Variants in ERMP1 observed in about 807,000 individuals in gnomAD.
ERMP1 encodes Felix-ina.
In ERMP1, 86 loss-of-function variants were observed where a neutral mutation model predicts 92.0. The ratio of observed to expected loss-of-function variants is 0.93; its 90% confidence interval spans 0.79 to 1.12. The LOEUF (loss-of-function observed/expected upper bound fraction) is 1.12. Among genes scored for constraint, ERMP1 ranks in the 50% most tolerant of loss-of-function variants. The pLI, the probability that ERMP1 is intolerant of heterozygous loss-of-function variation, is 0.00. For missense variants in ERMP1, 1,342 were observed against 1,116.3 expected, an observed-to-expected ratio of 1.20 and a Z score of -2.88; for synonymous variants, 530 against 412.8, an observed-to-expected ratio of 1.28 and a Z score of -3.44.
chr9:5,798,779 C>G (rs1828550234), intron 12 of ERMP1, 27 bp downstream of exon 12: 1 of 1,517,288 alleles, frequency 6.6e-7, no homozygotes, highest in South Asian at 1.1e-5. Context: ...AACAAACTAA[C>G]CTTAAGCAGA....
At position 5,805,004 on chromosome 9, in the gene ERMP1, GAAA is replaced by G. The variant is rs781534638; in HGVS notation, c.1914+20_1914+22del. 5.7e-6 allele frequency: 9 copies of G among 1,568,848 alleles called. No individual in the cohort carries two copies. Among genetic ancestry groups the G allele is most frequent in the Non-Finnish European group, 6.9e-6 (8 of 1,158,008 alleles). On this transcript the variant is annotated intron_variant, in intron 10 of 14. Coordinates refer to ENST00000339450, the MANE Select transcript of ERMP1 (RefSeq NM_024896.3). ...TATTCATATAAAAAATGAAGAAAAA[GAAA>G]AAAACTTATTTTCTCTTACAAAATA... is the stretch of plus-strand genomic sequence containing the variant.
At chr9:5,834,977 A>ATATGTG (rs566472107), upstream of ERMP1, among the ~76,000 whole-genome samples, 14 of 125,086 alleles carry the variant, frequency 1.1e-4, no homozygotes, top group Non-Finnish European at 2.2e-4. Flanking sequence ...GGATAGATAG[A>ATATGTG]TGTGTGTGTG....
At chr9:5,800,511 A>G (rs1828627527) in intron 11 of ERMP1, among the ~76,000 whole-genome samples, 1 of 152,172 alleles carries the variant, frequency 6.6e-6, no homozygotes, top group African/African-American at 2.4e-5. Flanking sequence ...CCCTGTCTCC[A>G]CTAAAAATAC....
chr9:5,822,738 T>C (rs1044126956), intron 4 of ERMP1, among the ~76,000 whole-genome samples: 3 of 152,192 alleles, frequency 2.0e-5, no homozygotes, highest in Non-Finnish European at 2.9e-5. Context: ...GAACTTCCAA[T>C]GTCAAATTTT....
intron 6 of ERMP1, among the ~76,000 whole-genome samples, chr9:5,846,220 G>A (rs1174872175): frequency 2.0e-5 from 3 of 152,164 alleles, no homozygotes; most frequent in African/African-American, 4.8e-5. Flanking sequence ...GCAAGCAAAA[G>A]CAGCCTGCAT....
chr9:5,861,486 A>T (rs1830493498), intron 5 of ERMP1, among the ~76,000 whole-genome samples: 1 of 152,154 alleles, frequency 6.6e-6, no homozygotes, highest in Non-Finnish European at 1.5e-5. Context: ...CATGTGTGTC[A>T]ATCTTGATTA....
At chr9:5,844,084 C>T (rs1198755089) in intron 6 of ERMP1, among the ~76,000 whole-genome samples, 1 of 152,116 alleles carries the variant, frequency 6.6e-6, no homozygotes, top group Non-Finnish European at 1.5e-5. Flanking sequence ...ATCAAACATA[C>T]ATTTCCTTAC....
At chr9:5,794,511 C>T (rs564495517) in intron 13 of ERMP1, among the ~76,000 whole-genome samples, 1 of 151,046 alleles carries the variant, frequency 6.6e-6, no homozygotes, top group South Asian at 2.1e-4. Flanking sequence ...TTCAGCCAGG[C>T]AGAGAAAAAA....
Position 5,811,249 on chromosome 9 carries a change from C to G in ERMP1, c.1189G>C (p.Gly397Arg), listed in dbSNP as rs1323645914. ...AGCACATCAAAGAAGACCATGTTTC[C>G]ATGTCGATACTTAGAAGCAGCAGCC... ...MLAAASKYRH[G>R]NMVFFDVLGL... is the part of the protein sequence containing the mutation. The change falls in exon 7 of 15, where the codon GGA becomes CGA. Residue 397 changes from glycine (G) to arginine (R), a missense_variant. By Grantham distance (125) the Gly-to-Arg change is moderately radical. Coordinates refer to ENST00000339450, the MANE Select transcript of ERMP1 (RefSeq NM_024896.3). The G allele has an allele frequency of 1.9e-6, 3 of 1,613,328 alleles. No individual in the cohort carries two copies. Among genetic ancestry groups the G allele is most frequent in the Non-Finnish European group, 2.5e-6 (3 of 1,179,870 alleles).
chr9:5,863,826 C>T (rs1049260979), intron 5 of ERMP1, among the ~76,000 whole-genome samples: 3 of 152,180 alleles, frequency 2.0e-5, no homozygotes, highest in African/African-American at 7.2e-5. Flanking sequence ...TATTTTATAA[C>T]TGGCTTCTTT....
chr9:5,806,871 A>G (rs1828891934), intron 8 of ERMP1, among the ~76,000 whole-genome samples: 1 of 152,204 alleles, frequency 6.6e-6, no homozygotes. Context: ...CTCCTTCTTC[A>G]AGGGCTCAAG....
In ERMP1 at chr9:5,825,171, C is replaced by G; in HGVS notation, c.689G>C (p.Arg230Pro). Reference protein sequence around the residue: ...VSCSVMLEVLRVLSTSSEALH... With the variant: ...VSCSVMLEVLPVLSTSSEALH... ...GGCTTCTGAAGATGTTGACAAGACG[C>G]GAAGGACTTCCAGCATCACTGAGCA... The change falls in exon 3 of 15, where the codon CGC becomes CCC. Residue 230 changes from arginine to proline, a missense_variant. Transcript: ENST00000339450. The G allele has an allele frequency of 6.2e-7, 1 of 1,614,012 alleles. No homozygotes were observed. The highest frequency in any genetic ancestry group is 8.5e-7 in the Non-Finnish European group (1 of 1,179,972).
chr9:5,845,518 CTGAT>C (rs756417130), intron 6 of ERMP1, among the ~76,000 whole-genome samples: 52 of 152,182 alleles, frequency 3.4e-4, no homozygotes, highest in African/African-American at 6.0e-4. Context: ...AAACTAACTC[CTGAT>C]TGATTGATTG....
chr9:5,793,121 G>T (rs1267802429), intron 13 of ERMP1, among the ~76,000 whole-genome samples: 1 of 152,066 alleles, frequency 6.6e-6, no homozygotes, highest in Non-Finnish European at 1.5e-5. Context: ...ATAAATGCTA[G>T]CAATGTTACA....
At chr9:5,797,191 C>T (rs1351880576) in intron 13 of ERMP1, among the ~76,000 whole-genome samples, 2 of 151,824 alleles carry the variant, frequency 1.3e-5, no homozygotes, top group East Asian at 3.9e-4. Context: ...CATGCACCAA[C>T]ATGCCCAGCT....
At chr9:5,833,494 G>C (rs1830036977), upstream of ERMP1, among the ~76,000 whole-genome samples, 1 of 152,182 alleles carries the variant, frequency 6.6e-6, no homozygotes, top group Admixed American at 6.5e-5. Context: ...TTACGCAGAG[G>C]AGGCCCGGCC....
chr9:5,838,925 A>G (rs1480828957), intron 6 of ERMP1, among the ~76,000 whole-genome samples: 1 of 152,186 alleles, frequency 6.6e-6, no homozygotes, highest in Non-Finnish European at 1.5e-5. Flanking sequence ...CCCTCTATTC[A>G]TTTCTCTACT....
At chr9:5,819,309 CACTT>C (rs1356064230) in intron 4 of ERMP1, among the ~76,000 whole-genome samples, 1 of 152,128 alleles carries the variant, frequency 6.6e-6, no homozygotes, top group Non-Finnish European at 1.5e-5. Flanking sequence ...AAAACAGACT[CACTT>C]GCGTTAAAAA....
chr9:5,832,566 C>G (rs1309964163), intron 1 of ERMP1, 124 bp downstream of exon 1: 1 of 742,944 alleles, frequency 1.3e-6, no homozygotes. Flanking sequence ...CACGTGCAGC[C>G]TGGGAGGGGT....
Sources: allele counts gnomAD v4.1 joint callset (sites outside exome capture counted in the v4.1 genomes callset), GRCh38; gene constraint gnomAD v4.1.1; transcripts MANE v1.5; gene names NCBI Gene and HGNC (gene_info 2026-07-23, HGNC 2026-07-21).